Variants in KAZN observed in about 807,000 individuals in gnomAD.
KAZN encodes kazrin, periplakin interacting protein.
Under a neutral mutation model 87.4 loss-of-function variants are expected in KAZN, and 40 were observed. The ratio of observed to expected loss-of-function variants is 0.46; its 90% confidence interval spans 0.36 to 0.60. The LOEUF is 0.60. KAZN is among the 20% of genes least tolerant of loss of function. KAZN has a pLI of 0.00. For synonymous variants in KAZN, 466 were observed against 458.3 expected (o/e 1.02, Z -0.22); for missense variants, 898 against 1,073.9 (o/e 0.84, Z 2.29).
intron 1 of KAZN, among the ~76,000 whole-genome samples, chr1:14,834,747 G>A (rs1647170028): frequency 6.6e-6 from 1 of 152,052 alleles, no homozygotes; most frequent in Non-Finnish European, 1.5e-5. Flanking sequence ...TATAAGAGTG[G>A]AAAGAAAAAA....
intron 1 of KAZN, among the ~76,000 whole-genome samples, chr1:14,888,278 C>T (rs1188002537): frequency 6.6e-6 from 1 of 152,210 alleles, no homozygotes; most frequent in Non-Finnish European, 1.5e-5. Context: ...GACATTCTCC[C>T]CTCACCTGCT....
At chr1:14,925,139 C>G (rs1391824412) in intron 1 of KAZN, among the ~76,000 whole-genome samples, 2 of 152,338 alleles carry the variant, frequency 1.3e-5, no homozygotes, top group Middle Eastern at 3.4e-3. Flanking sequence ...GTTTGGTTGG[C>G]GAATCCGCCC....
intron 2 of KAZN, among the ~76,000 whole-genome samples, chr1:14,967,535 G>A (rs10754875): frequency 0.35 from 53,029 of 152,018 alleles, 10,123 homozygotes; most frequent in African/African-American, 0.51. Context: ...CGGCAAAGGG[G>A]AACGAAGCTT....
chr1:14,495,297 G>A (rs1314105552), intron 2 of KAZN, among the ~76,000 whole-genome samples: 3 of 152,194 alleles, frequency 2.0e-5, no homozygotes, highest in African/African-American at 4.8e-5. Context: ...AAGAAATCCT[G>A]TGACAGTAAT....
chr1:14,993,118 C>T lies in KAZN; in HGVS notation c.418+32243C>T, dbSNP rs185699330. 2.5e-3 allele frequency among the ~76,000 whole-genome samples: 370 copies of T among 150,268 alleles called. 1 individual carries two copies. Among genetic ancestry groups the T allele is most frequent in the Non-Finnish European group, 3.9e-3 (263 of 67,568 alleles). On this transcript the variant is annotated intron_variant, in intron 2 of 14. Coordinates refer to ENST00000376030, the MANE Select transcript of KAZN (RefSeq NM_201628.3). ...CTGGGATTACAGATGTGAGCCATCG[C>T]GCCCAGTCTGGGAGCCTTTGTATAC...
At chr1:14,162,358 C>T (rs1645726898) in intron 1 of KAZN, among the ~76,000 whole-genome samples, 1 of 152,026 alleles carries the variant, frequency 6.6e-6, no homozygotes, top group African/African-American at 2.4e-5. Flanking sequence ...AAACCACTTC[C>T]CAAATATCTC....
intron 1 of KAZN, among the ~76,000 whole-genome samples, chr1:13,905,634 C>G (rs559659179): frequency 1.3e-5 from 2 of 152,284 alleles, no homozygotes; most frequent in South Asian, 4.1e-4. Flanking sequence ...ATTCCTCTAT[C>G]CCAGCATAAC....
intron 1 of KAZN, among the ~76,000 whole-genome samples, chr1:14,125,635 G>T (rs1195571806): frequency 6.6e-6 from 1 of 152,112 alleles, no homozygotes; most frequent in Non-Finnish European, 1.5e-5. Flanking sequence ...GGGGAGCGGG[G>T]CCCTGCTGAC....
intron 2 of KAZN, among the ~76,000 whole-genome samples, chr1:15,026,402 C>T (rs2102195742): frequency 6.6e-6 from 1 of 152,272 alleles, no homozygotes; most frequent in Non-Finnish European, 1.5e-5. Flanking sequence ...CCCGCAGCTG[C>T]TAAGGAGCAA....
At chr1:14,583,886 G>A (rs528853077) in intron 2 of KAZN, among the ~76,000 whole-genome samples, 1 of 152,180 alleles carries the variant, frequency 6.6e-6, no homozygotes, top group Non-Finnish European at 1.5e-5. Context: ...GGGAAGTTGT[G>A]CAGCTCACCT....
At chr1:14,633,887 T>C (rs1476776799) in intron 1 of KAZN, among the ~76,000 whole-genome samples, 1 of 151,776 alleles carries the variant, frequency 6.6e-6, no homozygotes, top group Non-Finnish European at 1.5e-5. Flanking sequence ...TCTCTCTCTA[T>C]ATATATATAT....
At chr1:14,900,625 G>A (rs1249396826) in intron 1 of KAZN, among the ~76,000 whole-genome samples, 1 of 151,920 alleles carries the variant, frequency 6.6e-6, no homozygotes, top group Non-Finnish European at 1.5e-5. Context: ...GTGGTGGCAG[G>A]CACCTGTAGT....
At chr1:14,420,908 TC>T (rs1557709913) in intron 2 of KAZN, among the ~76,000 whole-genome samples, 6 of 145,582 alleles carry the variant, frequency 4.1e-5, no homozygotes, top group Non-Finnish European at 7.8e-5. Context: ...CCTCCACACC[TC>T]CCCTCCACAC....
intron 1 of KAZN, among the ~76,000 whole-genome samples, chr1:14,837,348 C>T (rs904542672): frequency 2.3e-4 from 35 of 151,938 alleles, no homozygotes; most frequent in African/African-American, 8.2e-4. Context: ...TACAGGCAGG[C>T]GCCACCATGC....
At chr1:14,703,940 G>A (rs908915209) in intron 1 of KAZN, among the ~76,000 whole-genome samples, 1 of 152,200 alleles carries the variant, frequency 6.6e-6, no homozygotes, top group Non-Finnish European at 1.5e-5. Context: ...AGAAAAGGAA[G>A]CAAAAGGGCC....
intron 2 of KAZN, among the ~76,000 whole-genome samples, chr1:14,548,198 ATTTT>A (rs1199211988): frequency 7.5e-6 from 1 of 132,932 alleles, no homozygotes; most frequent in Non-Finnish European, 1.6e-5. Context: ...CTCTTCGTGC[ATTTT>A]TTTTTTTTTT....
At chr1:13,940,556 C>T (rs773204792) in intron 1 of KAZN, among the ~76,000 whole-genome samples, 2 of 152,020 alleles carry the variant, frequency 1.3e-5, no homozygotes, top group Non-Finnish European at 2.9e-5. Context: ...ATGACATATA[C>T]ATATCAGATA....
Position 15,103,378 on chromosome 1 carries a change from C to T in KAZN, c.1799C>T (p.Ala600Val). ...CACAAGGCCCTCCAGGAGCGCCGGG[C>T]CCGCTGCGAGACGCAGAACATTGAC... Reference protein sequence around the residue: ...FSREALQERRARCETQNIDPV... With the variant: ...FSREALQERRVRCETQNIDPV... Residue 600 changes from alanine (A) to valine (V), a missense_variant, in exon 12 of 15, where the codon GCC becomes GTC. By Grantham distance (64) the Ala-to-Val change is moderately conservative. This residue lies in a region of KAZN where 521 missense variants were observed against 689.4 expected (regional missense o/e 0.76). Transcript: ENST00000376030. 1 of 1,551,772 alleles carries T rather than the reference C, an allele frequency of 6.4e-7. No homozygotes were observed.
intron 1 of KAZN, among the ~76,000 whole-genome samples, chr1:14,833,292 C>A (rs11587865): frequency 4.6e-5 from 7 of 151,862 alleles, no homozygotes; most frequent in South Asian, 4.1e-4. Context: ...CATGCCCCCC[C>A]ACTGTCTTGG....
Sources: allele counts gnomAD v4.1 joint callset (sites outside exome capture counted in the v4.1 genomes callset), GRCh38; gene constraint gnomAD v4.1.1; regional missense constraint gnomAD v4.1.1; transcripts MANE v1.5; gene names NCBI Gene and HGNC (gene_info 2026-07-23, HGNC 2026-07-21).